Variants in UQCRH observed in about 807,000 individuals in gnomAD.
UQCRH encodes cytochrome b-c1 complex subunit 6, mitochondrial.
In UQCRH, 14 loss-of-function variants were observed where a neutral mutation model predicts 16.3. The observed-to-expected ratio is 0.86, with a 90% CI of 0.57 to 1.34. The LOEUF is 1.34. UQCRH is among the 40% of genes most tolerant of loss of function. The pLI is 0.00. For missense variants in UQCRH, 89 were observed against 111.9 expected (o/e 0.80, Z 0.92); for synonymous variants, 41 against 41.9 (o/e 0.98, Z 0.08).
chr1:46,309,428 G>A (rs140380946), intron 2 of UQCRH: 7 of 340,082 alleles, frequency 2.1e-5, no homozygotes, highest in Non-Finnish European at 3.7e-5. Context: ...ATGGTGGCTC[G>A]TGCCTGTAAT....
At position 46,316,728 on chromosome 1, in the gene UQCRH, A is replaced by C; in HGVS notation, c.*144A>C. The C allele has an allele frequency of 2.5e-6, 3 of 1,188,690 alleles. No homozygotes were observed. The highest frequency in any genetic ancestry group is 1.7e-5 in the South Asian group (1 of 59,404). The allele number at this position is 1,188,690 out of a possible 1,614,324, so 73.6% of individuals were successfully genotyped here. On this transcript the variant is annotated 3_prime_UTR_variant, in exon 4 of 4. Coordinates refer to ENST00000311672, the MANE Select transcript of UQCRH (RefSeq NM_006004.4). The stretch of plus-strand genomic sequence containing the variant: ...GGTTTGGCTTAGGCTGGTAGCTTCT[A>C]TGTAATTCGCAATGATTCCATCTAA...
In UQCRH at chr1:46,310,154, G is replaced by C; in HGVS notation, c.82-1G>C. 1 of 1,614,190 alleles carries C rather than the reference G, an allele frequency of 6.2e-7. No individual in the cohort carries two copies. The highest frequency in any genetic ancestry group is 8.5e-7 in the Non-Finnish European group (1 of 1,180,040). The stretch of plus-strand genomic sequence containing the variant: ...TTGTTTTTTTTCTGTTTCTACATCA[G>C]GATCCCCTAACAACAGTGAGAGAGC... On this transcript the variant is annotated splice_acceptor_variant, in intron 2 of 3. Transcript: ENST00000311672. LOFTEE classifies it high-confidence loss of function.
At chr1:46,309,983 T>C (rs1380374461) in intron 2 of UQCRH, 172 bp from the exon 3 acceptor site, 20 of 1,478,590 alleles carry the variant, frequency 1.4e-5, no homozygotes, top group African/African-American at 2.8e-5. Flanking sequence ...CAGAATTGAA[T>C]GGGAGACCGC....
At chr1:46,311,269 T>C (rs1661467947) in intron 3 of UQCRH, among the ~76,000 whole-genome samples, 1 of 150,830 alleles carries the variant, frequency 6.6e-6, no homozygotes, top group Non-Finnish European at 1.5e-5. Flanking sequence ...TCTTTAAAAA[T>C]AATTTGTATT....
chr1:46,310,994 G>A (rs927904422), intron 3 of UQCRH, among the ~76,000 whole-genome samples: 4 of 151,188 alleles, frequency 2.6e-5, no homozygotes, highest in Admixed American at 6.6e-5. Flanking sequence ...GTGAACCCGG[G>A]GAAGCGGAGC....
Position 46,310,252 on chromosome 1 carries a change from G to A in UQCRH, c.179G>A (p.Arg60Gln), listed in dbSNP as rs919028614. The A allele has an allele frequency of 1.4e-5, 22 of 1,614,036 alleles. No homozygotes were observed. Among genetic ancestry groups the A allele is most frequent in the Admixed American group, 3.3e-5 (2 of 59,990 alleles). Reference protein sequence around the residue: ...LELCDERVSSRSHTEEDCTEE... With the variant: ...LELCDERVSSQSHTEEDCTEE... The stretch of plus-strand genomic sequence containing the variant: ...CTCTGTGATGAGCGTGTATCCTCTC[G>A]ATCACATACAGAAGAGGATTGCACG... Residue 60 changes from arginine to glutamine, a missense_variant, in exon 3 of 4, where the codon CGA becomes CAA. Physicochemically the swap from Arg to Gln is conservative, Grantham distance 43. Transcript: ENST00000311672.
chr1:46,313,328 C>CA (rs917654032), intron 3 of UQCRH, among the ~76,000 whole-genome samples: 4 of 151,908 alleles, frequency 2.6e-5, no homozygotes, highest in African/African-American at 9.7e-5. Context: ...CCTGTCTTTA[C>CA]AAAAAATATA....
intron 3 of UQCRH, among the ~76,000 whole-genome samples, chr1:46,313,533 G>T (rs1031304095): frequency 3.9e-5 from 6 of 152,184 alleles, no homozygotes; most frequent in African/African-American, 1.4e-4. Context: ...GGAGGCTGAG[G>T]CTGGAGAATG....
At position 46,303,721 on chromosome 1, in the gene UQCRH, G is replaced by C. The variant is rs375453493; in HGVS notation, c.-46G>C. The C allele has an allele frequency of 2.9e-5, 46 of 1,613,846 alleles. No individual in the cohort carries two copies. Among genetic ancestry groups the C allele is most frequent in the Non-Finnish European group, 3.6e-5 (42 of 1,179,902 alleles). On this transcript the variant is annotated 5_prime_UTR_variant, in exon 1 of 4. Coordinates refer to ENST00000311672, the MANE Select transcript of UQCRH (RefSeq NM_006004.4). Reference sequence around the variant, plus strand: ...TCCTTCTTGATCCTGAACTGGGTTAGGTGCCGCTGTTGCTGCTCGTGTTGA... The same window carrying C: ...TCCTTCTTGATCCTGAACTGGGTTACGTGCCGCTGTTGCTGCTCGTGTTGA...
At chr1:46,310,738 C>T in intron 3 of UQCRH, among the ~76,000 whole-genome samples, 1 of 152,030 alleles carries the variant, frequency 6.6e-6, no homozygotes, top group Non-Finnish European at 1.5e-5. Flanking sequence ...CTCTGAAGTG[C>T]TGGGATTATA....
intron 2 of UQCRH, chr1:46,309,774 T>C: frequency 1.0e-6 from 1 of 976,324 alleles, no homozygotes; most frequent in Non-Finnish European, 1.3e-6. Context: ...TAGGCCTGGT[T>C]CTCAGACAAG....
intron 3 of UQCRH, among the ~76,000 whole-genome samples, chr1:46,315,515 A>AC (rs1320998568): frequency 6.7e-6 from 1 of 150,176 alleles, no homozygotes; most frequent in Non-Finnish European, 1.5e-5. Flanking sequence ...AATCACTTGA[A>AC]CCCGGGAGGC....
At chr1:46,312,793 G>A (rs1326255585) in intron 3 of UQCRH, among the ~76,000 whole-genome samples, 2 of 151,996 alleles carry the variant, frequency 1.3e-5, no homozygotes, top group Non-Finnish European at 1.5e-5. Flanking sequence ...TTATACATAA[G>A]CAAAGTTTGA....
chr1:46,311,446 G>A (rs865793027), intron 3 of UQCRH, among the ~76,000 whole-genome samples: 2 of 150,608 alleles, frequency 1.3e-5, no homozygotes, highest in Non-Finnish European at 3.0e-5. Flanking sequence ...GCGTGGTGGC[G>A]GGCGCCTGTA....
chr1:46,303,819 A>T lies in UQCRH; in HGVS notation c.53A>T (p.Glu18Val). The change falls in exon 1 of 4, where the codon GAG becomes GTG. Residue 18 changes from glutamate to valine, a missense_variant and splice_region_variant. Glu to Val is a moderately radical substitution (Grantham distance 121, BLOSUM62 -2). Transcript: ENST00000311672. ...CTTACCGAATCCGGAGATCCTGAGG[A>T]GGTAAGGCAAGGCGATCCACTCGGC... ...KMLTESGDPE[E>V]EEEEEEELVD... The T allele has an allele frequency of 6.2e-7, 1 of 1,614,156 alleles. No individual in the cohort carries two copies. Among genetic ancestry groups the T allele is most frequent in the Non-Finnish European group, 8.5e-7 (1 of 1,180,016 alleles).
At chr1:46,316,375 A>T (rs916721239) in intron 3 of UQCRH, among the ~76,000 whole-genome samples, 177 bp from the exon 4 acceptor site, 2 of 152,176 alleles carry the variant, frequency 1.3e-5, no homozygotes, top group Admixed American at 6.6e-5. Context: ...TCTAAATTCT[A>T]AAGGAAGAAT....
At chr1:46,311,836 G>A (rs1465535891) in intron 3 of UQCRH, among the ~76,000 whole-genome samples, 1 of 151,354 alleles carries the variant, frequency 6.6e-6, no homozygotes, top group African/African-American at 2.4e-5. Flanking sequence ...CACTGTGTTA[G>A]CCAAGATGGT....
intron 1 of UQCRH, among the ~76,000 whole-genome samples, chr1:46,306,754 A>G (rs2148332952): frequency 6.6e-6 from 1 of 152,338 alleles, no homozygotes; most frequent in South Asian, 2.1e-4. Flanking sequence ...GCATCTTCAT[A>G]TTTAGAAGAA....
chr1:46,312,157 G>A (rs1488131001), intron 3 of UQCRH, among the ~76,000 whole-genome samples: 3 of 151,436 alleles, frequency 2.0e-5, no homozygotes, highest in Non-Finnish European at 2.9e-5. Flanking sequence ...GTGCAGTGGC[G>A]CAATCTTGGC....
Sources: allele counts gnomAD v4.1 joint callset (sites outside exome capture counted in the v4.1 genomes callset), GRCh38; gene constraint gnomAD v4.1.1; transcripts MANE v1.5; gene names NCBI Gene and HGNC (gene_info 2026-07-23, HGNC 2026-07-21).